The following COL4A2 variants were observed in gnomAD, a reference collection of about 807,000 sequenced individuals.
COL4A2 encodes the protein collagen type IV alpha 2 chain, also known as collagen alpha-2(IV) chain.
COL4A2 carries 99 observed loss-of-function variants against 200.2 expected under a neutral mutation model. The observed-to-expected ratio is 0.49, with a 90% confidence interval of 0.42 to 0.58. The LOEUF (loss-of-function observed/expected upper bound fraction) is 0.58, where lower values mean the gene tolerates loss of function less well. Ranked by LOEUF, COL4A2 falls within the 20% of genes least tolerant of loss-of-function variation. The pLI, the probability that COL4A2 is intolerant of heterozygous loss-of-function variation, is 0.00. For missense variants in COL4A2, 1,950 were observed against 2,314.1 expected (o/e 0.84, Z 3.23); for synonymous variants, 897 against 900.6 (o/e 1.00, Z 0.07).
At chr13:110,421,486 C>A (rs1314377031) in intron 4 of COL4A2, among the ~76,000 whole-genome samples, 1 of 152,182 alleles carries the variant, frequency 6.6e-6, no homozygotes, top group Non-Finnish European at 1.5e-5. Flanking sequence ...AAAAGTCACA[C>A]ATCGTATGAC....
At chr13:110,376,323 T>G (rs1452806064) in intron 4 of COL4A2, among the ~76,000 whole-genome samples, 1 of 152,158 alleles carries the variant, frequency 6.6e-6, no homozygotes. Context: ...CGTCAGAAGG[T>G]CGGAGCCTGT....
At chr13:110,367,629 C>A (rs1888005) in intron 4 of COL4A2, among the ~76,000 whole-genome samples, 60,325 of 152,134 alleles carry the variant, frequency 0.4, 12,111 homozygotes, top group Middle Eastern at 0.56. Context: ...ACCCATGCTT[C>A]GCATCTGTCA....
Position 110,462,088 on chromosome 13 carries a change from G to A in COL4A2, c.1597-26G>A, listed in dbSNP as rs753064695. 6 of 1,613,984 alleles carry A rather than the reference G, an allele frequency of 3.7e-6. No individual in the cohort carries two copies. The South Asian group carries it at 6.6e-5, about 18-fold the overall frequency. On this transcript the variant is annotated intron_variant, in intron 22 of 47. Transcript: ENST00000360467. Reference sequence around the variant, plus strand: ...ATGCCCTCACAGTACAAAGAAGGAAGATATTTTTTTGTCTGTTTTCCACAG... The same window carrying A: ...ATGCCCTCACAGTACAAAGAAGGAAAATATTTTTTTGTCTGTTTTCCACAG...
chr13:110,499,331 A>C (rs1290712918), intron 40 of COL4A2, among the ~76,000 whole-genome samples: 3 of 152,242 alleles, frequency 2.0e-5, no homozygotes, highest in South Asian at 2.1e-4. Context: ...AAGGGGAAGC[A>C]AACACATCCT....
chr13:110,335,391 G>A lies in COL4A2; in HGVS notation c.100-22081G>A, dbSNP rs561265166. 4.3e-4 allele frequency among the ~76,000 whole-genome samples: 66 copies of A among 152,014 alleles called. 1 individual carries two copies. The highest frequency in any genetic ancestry group is 7.9e-4 in the Non-Finnish European group (54 of 68,004). On this transcript the variant is annotated intron_variant, in intron 3 of 47. Transcript: ENST00000360467. ...GCGGTTTCCCCCATACTATTCTTGC[G>A]GTAGAGTAAGTCTCATGAGATCTGA... is the stretch of plus-strand genomic sequence containing the variant.
chr13:110,407,794 G>A (rs9515205), intron 4 of COL4A2, among the ~76,000 whole-genome samples: 4,346 of 152,198 alleles, frequency 0.029, 105 homozygotes, highest in Non-Finnish European at 0.043. Flanking sequence ...GTGTGAGGAC[G>A]GGGGACAGCA....
chr13:110,374,388 A>G (rs1878148072), intron 4 of COL4A2, among the ~76,000 whole-genome samples: 1 of 152,194 alleles, frequency 6.6e-6, no homozygotes, highest in South Asian at 2.1e-4. Flanking sequence ...TCTGGGTATG[A>G]TGTTGCACCT....
intron 4 of COL4A2, among the ~76,000 whole-genome samples, chr13:110,360,298 G>A (rs1326869294): frequency 2.6e-5 from 4 of 152,190 alleles, no homozygotes; most frequent in Non-Finnish European, 5.9e-5. Flanking sequence ...AGAGGTGACC[G>A]GATCTGTTCT....
chr13:110,337,082 A>G (rs1876225414), intron 3 of COL4A2, among the ~76,000 whole-genome samples: 1 of 152,258 alleles, frequency 6.6e-6, no homozygotes, highest in Non-Finnish European at 1.5e-5. Flanking sequence ...GACTGCGTTT[A>G]TCTATGGATG....
At chr13:110,427,679 G>A (rs545941402) in intron 6 of COL4A2, among the ~76,000 whole-genome samples, 1 of 152,178 alleles carries the variant, frequency 6.6e-6, no homozygotes, top group Non-Finnish European at 1.5e-5. Context: ...TATTAACCCA[G>A]CCCCTGTGTG....
rs576613502 is a variant in COL4A2 at position 110,484,307 on chromosome 13, A to C, written c.2903-598A>C. 4.6e-5 allele frequency among the ~76,000 whole-genome samples: 7 copies of C among 152,196 alleles called. No homozygotes were observed. In the East Asian group the frequency reaches 1.4e-3, roughly 29 times the overall value. ...GTAAATGCTTAGAGACTGAAGCTCAATTATTTTCACTGAGCCAGATTTCAC... is the reference window on the plus strand; with the variant it reads ...GTAAATGCTTAGAGACTGAAGCTCACTTATTTTCACTGAGCCAGATTTCAC... On this transcript the variant is annotated intron_variant, in intron 32 of 47. Coordinates refer to ENST00000360467, the MANE Select transcript of COL4A2 (RefSeq NM_001846.4).
chr13:110,352,056 T>A (rs1876982761), intron 3 of COL4A2, among the ~76,000 whole-genome samples: 1 of 151,948 alleles, frequency 6.6e-6, no homozygotes, highest in Non-Finnish European at 1.5e-5. Context: ...GGGCTTCGAG[T>A]CACTCCAACT....
intron 3 of COL4A2, among the ~76,000 whole-genome samples, chr13:110,310,123 A>G (rs759339726): frequency 3.3e-5 from 5 of 152,250 alleles, no homozygotes; most frequent in Admixed American, 2.6e-4. Context: ...TAAGGCAGAT[A>G]GGACACCTCT....
intron 36 of COL4A2, among the ~76,000 whole-genome samples, chr13:110,490,388 C>G (rs1201033711): frequency 6.6e-6 from 1 of 152,228 alleles, no homozygotes; most frequent in Non-Finnish European, 1.5e-5. Context: ...CCACACTGCT[C>G]AAGTTGCTGG....
intron 16 of COL4A2, among the ~76,000 whole-genome samples, chr13:110,442,418 G>A (rs1313357808): frequency 1.3e-5 from 2 of 152,208 alleles, no homozygotes; most frequent in Admixed American, 6.5e-5. Context: ...AGCTATGTCC[G>A]CCCTCTGCCA....
rs1566533543 is a variant in COL4A2, at chr13:110,438,809, C to CA, written c.912+141_912+142insA. 2.8e-3 allele frequency: 2,125 copies of CA among 749,898 alleles called. 42 individuals are homozygous for CA. The highest frequency in any genetic ancestry group is 0.028 in the African/African-American group (1,205 of 42,942). The allele number at this position is 749,898 out of a possible 1,614,324, so 46.5% of individuals were successfully genotyped here. On this transcript the variant is annotated intron_variant, in intron 15 of 47. Coordinates refer to ENST00000360467, the MANE Select transcript of COL4A2 (RefSeq NM_001846.4). The stretch of plus-strand genomic sequence containing the variant: ...TTCCCGTTATTACTCCCCACCCCCC[C>CA]CCACACACACACACAGCAGCCCCCC...
intron 4 of COL4A2, among the ~76,000 whole-genome samples, chr13:110,399,999 T>A (rs1413850622): frequency 1.3e-5 from 2 of 152,244 alleles, no homozygotes; most frequent in African/African-American, 4.8e-5. Context: ...ATATTCACGA[T>A]AGATCTAGTA....
At chr13:110,418,479 C>T (rs1261405393) in intron 4 of COL4A2, among the ~76,000 whole-genome samples, 1 of 152,224 alleles carries the variant, frequency 6.6e-6, no homozygotes. Flanking sequence ...AGAAGCGATA[C>T]AGCTTTAGCT....
intron 17 of COL4A2, among the ~76,000 whole-genome samples, chr13:110,446,112 T>C (rs989085675): frequency 2.6e-5 from 4 of 151,976 alleles, no homozygotes; most frequent in African/African-American, 9.7e-5. Context: ...CACGTAGGGG[T>C]GCGCTCAGGC....
Sources: allele counts gnomAD v4.1 joint callset (sites outside exome capture counted in the v4.1 genomes callset), GRCh38; gene constraint gnomAD v4.1.1; transcripts MANE v1.5; gene names NCBI Gene and HGNC (gene_info 2026-07-23, HGNC 2026-07-21).